ADAMTS3: variants seen among roughly 807,000 people sequenced by gnomAD.
ADAMTS3 encodes A disintegrin and metalloproteinase with thrombospondin motifs 3.
In ADAMTS3, 73 loss-of-function variants were observed where a neutral mutation model predicts 129.0. The ratio of observed to expected loss-of-function variants is 0.57; its 90% CI spans 0.47 to 0.69. ADAMTS3 has a LOEUF of 0.69. Ranked by LOEUF, ADAMTS3 falls within the 30% of genes least tolerant of loss-of-function variation. The probability of loss-of-function intolerance (pLI) is 0.00; values close to 1 mark genes in which losing one functional copy is unlikely to be tolerated. For missense variants in ADAMTS3, 1,457 were observed against 1,514.5 expected (o/e 0.96, Z 0.63); for synonymous variants, 477 against 510.8 (o/e 0.93, Z 0.89).
chr4:72,348,933 C>T (rs556766181), intron 4 of ADAMTS3, among the ~76,000 whole-genome samples: 4 of 152,066 alleles, frequency 2.6e-5, no homozygotes, highest in Admixed American at 1.3e-4. Flanking sequence ...AGACTTCAAT[C>T]TGGCCCACAC....
intron 4 of ADAMTS3, among the ~76,000 whole-genome samples, chr4:72,398,176 G>C (rs1483760488): frequency 2.0e-5 from 3 of 152,108 alleles, no homozygotes; most frequent in Non-Finnish European, 4.4e-5. Flanking sequence ...CTGAGGATGA[G>C]AGCCATGTTG....
Position 72,309,338 on chromosome 4 carries a change from G to A in ADAMTS3, c.2179+59C>T. On this transcript the variant is annotated intron_variant, in intron 15 of 21. Coordinates refer to ENST00000286657, the MANE Select transcript of ADAMTS3 (RefSeq NM_014243.3). ...AAATGCTGCATTTCTAAAGGAAGAA[G>A]CCTCAAAAAGTACAAATCACAGAGA... 4.5e-6 allele frequency: 7 copies of A among 1,552,896 alleles called. No individual in the cohort carries two copies. The South Asian group carries it at 5.7e-5, about 13-fold the overall frequency.
chr4:72,288,968 A>ACACACACG (rs1426702596), intron 20 of ADAMTS3, 100 bp from the exon 21 acceptor site: 5 of 738,998 alleles, frequency 6.8e-6, no homozygotes, highest in Middle Eastern at 4.0e-4. Flanking sequence ...ACACACACAC[A>ACACACACG]AAGACACAGA....
chr4:72,553,610 T>C (rs1721694803), intron 2 of ADAMTS3, among the ~76,000 whole-genome samples: 1 of 152,144 alleles, frequency 6.6e-6, no homozygotes, highest in African/African-American at 2.4e-5. Flanking sequence ...CTCTATCCCT[T>C]CACTCACCCT....
intron 3 of ADAMTS3, among the ~76,000 whole-genome samples, chr4:72,529,676 T>C (rs944990828): frequency 1.6e-5 from 2 of 126,316 alleles, no homozygotes; most frequent in African/African-American, 6.0e-5. Flanking sequence ...TATTAAATAT[T>C]ATTTATATAT....
intron 3 of ADAMTS3, among the ~76,000 whole-genome samples, chr4:72,529,013 G>A (rs1028628935): frequency 6.6e-6 from 1 of 152,076 alleles, no homozygotes; most frequent in Non-Finnish European, 1.5e-5. Flanking sequence ...AGTAATCAGG[G>A]TTTCTGCTTT....
chr4:72,532,512 C>T (rs1310949891), intron 3 of ADAMTS3, among the ~76,000 whole-genome samples: 1 of 151,906 alleles, frequency 6.6e-6, no homozygotes, highest in East Asian at 1.9e-4. Flanking sequence ...CACACACACA[C>T]ACACACACGT....
At chr4:72,356,347 A>G (rs59903452) in intron 4 of ADAMTS3, among the ~76,000 whole-genome samples, 3,931 of 151,942 alleles carry the variant, frequency 0.026, 168 homozygotes, top group African/African-American at 0.09. Context: ...TCTTATCATA[A>G]TATACACAGA....
intron 4 of ADAMTS3, among the ~76,000 whole-genome samples, chr4:72,391,307 A>G (rs1490391610): frequency 2.0e-5 from 3 of 152,220 alleles, no homozygotes; most frequent in African/African-American, 7.2e-5. Context: ...CCATTGCTCA[A>G]ATTGGTATTA....
chr4:72,530,655 T>C (rs1721001440), intron 3 of ADAMTS3, among the ~76,000 whole-genome samples: 1 of 74,190 alleles, frequency 1.3e-5, no homozygotes, highest in Non-Finnish European at 2.3e-5. Context: ...TATAATATTA[T>C]ATATATTATA....
At chr4:72,442,700 A>G (rs1578683420) in intron 3 of ADAMTS3, among the ~76,000 whole-genome samples, 1 of 151,828 alleles carries the variant, frequency 6.6e-6, no homozygotes, top group African/African-American at 2.4e-5. Flanking sequence ...AACACCTGAG[A>G]GAGATTGCCC....
chr4:72,385,931 A>AT (rs897384883), intron 4 of ADAMTS3, among the ~76,000 whole-genome samples: 86 of 151,408 alleles, frequency 5.7e-4, no homozygotes, highest in African/African-American at 1.7e-3. Context: ...AAAATCAATG[A>AT]TTTTTTTTTC....
At chr4:72,554,133 AACC>A (rs1721708473) in intron 2 of ADAMTS3, among the ~76,000 whole-genome samples, 4 of 152,308 alleles carry the variant, frequency 2.6e-5, no homozygotes, top group African/African-American at 9.6e-5. Flanking sequence ...TATGTGAAAT[AACC>A]ACATTTTTGT....
intron 11 of ADAMTS3, 124 bp downstream of exon 11, chr4:72,315,734 A>G: frequency 3.4e-6 from 2 of 595,724 alleles, no homozygotes; most frequent in Non-Finnish European, 5.7e-6. Context: ...ACTTTAATAA[A>G]GCCTTGCATA....
chr4:72,343,780 A>G (rs1320387657), intron 4 of ADAMTS3, among the ~76,000 whole-genome samples: 2 of 152,194 alleles, frequency 1.3e-5, no homozygotes, highest in East Asian at 3.9e-4. Flanking sequence ...GCCCTGCAAA[A>G]GGTAGAGCAG....
intron 4 of ADAMTS3, among the ~76,000 whole-genome samples, chr4:72,359,809 C>T (rs1050947270): frequency 1.3e-5 from 2 of 152,024 alleles, no homozygotes; most frequent in African/African-American, 4.8e-5. Context: ...AAACTCATCA[C>T]TGAGTTAACA....
intron 6 of ADAMTS3, among the ~76,000 whole-genome samples, chr4:72,322,642 G>A (rs1719586152): frequency 6.6e-6 from 1 of 152,016 alleles, no homozygotes; most frequent in Non-Finnish European, 1.5e-5. Context: ...CACTTAGTAG[G>A]CATTCAATAT....
chr4:72,311,876 G>A (rs540067796), intron 13 of ADAMTS3, among the ~76,000 whole-genome samples: 1 of 152,142 alleles, frequency 6.6e-6, no homozygotes, highest in Non-Finnish European at 1.5e-5. Flanking sequence ...AAGGTTATAA[G>A]GTATCTTTTG....
At chr4:72,514,853 A>G (rs1368339960) in intron 3 of ADAMTS3, among the ~76,000 whole-genome samples, 1 of 152,098 alleles carries the variant, frequency 6.6e-6, no homozygotes, top group Non-Finnish European at 1.5e-5. Context: ...TTATTATTAT[A>G]CTTTAAGTTT....
Sources: allele counts gnomAD v4.1 joint callset (sites outside exome capture counted in the v4.1 genomes callset), GRCh38; gene constraint gnomAD v4.1.1; transcripts MANE v1.5; gene names NCBI Gene and HGNC (gene_info 2026-07-23, HGNC 2026-07-21).